The following CDH13 variants were observed in gnomAD, a reference collection of about 807,000 sequenced individuals.
The protein encoded by CDH13 is cadherin-13.
A neutral mutation model predicts 63.8 loss-of-function variants in CDH13; 24 were observed. That is an observed-to-expected ratio of 0.38 (90% CI 0.27 to 0.53). The LOEUF is 0.53. CDH13 is among the 20% of genes least tolerant of loss of function. CDH13 has a pLI of 0.85. For missense variants in CDH13, 1,049 were observed against 903.1 expected, an observed-to-expected ratio of 1.16 and a Z score of -2.07; for synonymous variants, 503 against 355.3, an observed-to-expected ratio of 1.42 and a Z score of -4.67.
At chr16:83,206,643 C>T (rs918020707) in intron 4 of CDH13, among the ~76,000 whole-genome samples, 7 of 152,228 alleles carry the variant, frequency 4.6e-5, no homozygotes, top group Non-Finnish European at 8.8e-5. Context: ...TACAATCAGA[C>T]GTGGCCACTG....
intron 7 of CDH13, among the ~76,000 whole-genome samples, chr16:83,593,279 C>A (rs9930794): frequency 1.3e-5 from 2 of 152,018 alleles, no homozygotes; most frequent in African/African-American, 2.4e-5. Flanking sequence ...ATTAACGATA[C>A]CTTAAATGTT....
chr16:83,689,615 T>A (rs904757209), intron 10 of CDH13, among the ~76,000 whole-genome samples: 14 of 152,208 alleles, frequency 9.2e-5, no homozygotes, highest in African/African-American at 3.4e-4. Flanking sequence ...GTGATGAGGC[T>A]CTAAACTACA....
intron 6 of CDH13, among the ~76,000 whole-genome samples, chr16:83,349,811 G>T (rs1341777068): frequency 6.6e-6 from 1 of 152,088 alleles, no homozygotes; most frequent in Non-Finnish European, 1.5e-5. Context: ...ACATTGGCCA[G>T]GCTGGTCTTG....
At chr16:83,669,333 AG>A (rs1163397598) in intron 8 of CDH13, among the ~76,000 whole-genome samples, 1 of 152,210 alleles carries the variant, frequency 6.6e-6, no homozygotes, top group Non-Finnish European at 1.5e-5. Flanking sequence ...AGTTTTTCAA[AG>A]CCTCTGGGAG....
At chr16:83,604,847 A>G (rs1839256569) in intron 8 of CDH13, among the ~76,000 whole-genome samples, 1 of 152,314 alleles carries the variant, frequency 6.6e-6, no homozygotes, top group Non-Finnish European at 1.5e-5. Context: ...CTTCAATGCC[A>G]CTGTGAATTT....
chr16:83,241,983 T>G (rs1000323325), intron 5 of CDH13, among the ~76,000 whole-genome samples: 2 of 152,152 alleles, frequency 1.3e-5, no homozygotes, highest in African/African-American at 4.8e-5. Context: ...CACATTTAGG[T>G]CTTTAATCCA....
At chr16:83,208,890 A>G (rs2039256528) in intron 4 of CDH13, among the ~76,000 whole-genome samples, 1 of 152,166 alleles carries the variant, frequency 6.6e-6, no homozygotes, top group South Asian at 2.1e-4. Flanking sequence ...CTTGCCTCAC[A>G]AGCAGTGTTC....
intron 7 of CDH13, among the ~76,000 whole-genome samples, chr16:83,503,437 G>A (rs1329503507): frequency 6.6e-6 from 1 of 152,176 alleles, no homozygotes; most frequent in Non-Finnish European, 1.5e-5. Context: ...GGATGCCTCT[G>A]CCCAGGAGGA....
At chr16:82,697,761 G>C (rs1385795016) in intron 1 of CDH13, among the ~76,000 whole-genome samples, 4 of 143,550 alleles carry the variant, frequency 2.8e-5, no homozygotes, top group African/African-American at 1.1e-4. Flanking sequence ...GTGTGTGTGT[G>C]TGTGTGTGTG....
intron 8 of CDH13, among the ~76,000 whole-genome samples, chr16:83,657,360 C>G (rs934072261): frequency 6.6e-6 from 1 of 152,178 alleles, no homozygotes; most frequent in Non-Finnish European, 1.5e-5. Flanking sequence ...GTCAAGAAGA[C>G]AGGCTGCTGC....
At position 83,318,145 on chromosome 16, in the gene CDH13, T is replaced by C. The variant is rs369666292; in HGVS notation, c.637-26717T>C. Among the ~76,000 whole-genome samples the C allele has an allele frequency of 1.5e-3, 223 of 152,310 alleles. 6 individuals carry two copies. In the South Asian group the frequency reaches 0.044, roughly 30 times the overall value. ...TATTTGTAACACAGTGTCTAAAACA[T>C]ACTGAGCATTTAATAAGCTTAAGCT... On this transcript the variant is annotated intron_variant, in intron 5 of 13. Coordinates refer to ENST00000567109, the MANE Select transcript of CDH13 (RefSeq NM_001257.5).
chr16:83,034,689 G>T (rs1297803181), intron 3 of CDH13, among the ~76,000 whole-genome samples: 1 of 152,146 alleles, frequency 6.6e-6, no homozygotes, highest in Non-Finnish European at 1.5e-5. Flanking sequence ...TTTCTATCTG[G>T]AAAAGATACT....
intron 7 of CDH13, among the ~76,000 whole-genome samples, chr16:83,518,078 A>G (rs537235843): frequency 1.3e-5 from 2 of 152,270 alleles, no homozygotes; most frequent in African/African-American, 4.8e-5. Context: ...AGGTAATTTT[A>G]TCATGGGGGT....
rs547289207 is a variant in CDH13 at position 83,271,762 on chromosome 16, G to C, written c.636+54265G>C. On this transcript the variant is annotated intron_variant, in intron 5 of 13. Coordinates refer to ENST00000567109, the MANE Select transcript of CDH13 (RefSeq NM_001257.5). ...TAGAATTATTTATTTAGGATAATTA[G>C]AGAAAAATTCTGTAATTTCAAGTAA... Among the ~76,000 whole-genome samples, 8 of 152,172 alleles carry C rather than the reference G, an allele frequency of 5.3e-5. No homozygotes were observed. In the East Asian group the frequency reaches 1.5e-3, roughly 29 times the overall value.
At position 82,961,981 on chromosome 16, in the gene CDH13, T is replaced by C. The variant is rs183031499; in HGVS notation, c.158-70029T>C. Among the ~76,000 whole-genome samples the C allele has an allele frequency of 5.2e-3, 786 of 152,232 alleles. 31 individuals are homozygous for C. The highest frequency in any genetic ancestry group is 0.048 in the Admixed American group (741 of 15,286). ...AGAAACCCTAGGCTTATGGATGCCA[T>C]GGGAAACACCAGTTACCTGGATGTA... On this transcript the variant is annotated intron_variant, in intron 2 of 13. Transcript: ENST00000567109.
At chr16:83,484,174 C>A (rs2073835248) in intron 6 of CDH13, among the ~76,000 whole-genome samples, 1 of 152,088 alleles carries the variant, frequency 6.6e-6, no homozygotes, top group Non-Finnish European at 1.5e-5. Context: ...TACTCTGATT[C>A]CAGTGGTGGG....
chr16:83,742,711 A>G (rs373498981), intron 10 of CDH13, among the ~76,000 whole-genome samples: 4 of 152,266 alleles, frequency 2.6e-5, no homozygotes, highest in African/African-American at 7.2e-5. Context: ...TTCTCCCTCC[A>G]CATCGGGAAC....
At chr16:83,572,175 G>GTTTTGTGTGTGTGT (rs145519267) in intron 7 of CDH13, among the ~76,000 whole-genome samples, 257 of 145,690 alleles carry the variant, frequency 1.8e-3, no homozygotes, top group African/African-American at 6.4e-3. Flanking sequence ...ACTTTCCTGT[G>GTTTTGTGTGTGTGT]GTGTGTGTGT....
chr16:83,406,078 C>A (rs1253540633), intron 6 of CDH13, among the ~76,000 whole-genome samples: 1 of 152,082 alleles, frequency 6.6e-6, no homozygotes, highest in Non-Finnish European at 1.5e-5. Flanking sequence ...ACATAGTAGC[C>A]CCAAATCAAG....
Sources: gnomAD v4.1 joint callset for allele counts (sites outside exome capture counted in the v4.1 genomes callset) on GRCh38, gnomAD v4.1.1 for gene constraint, MANE v1.5 for transcripts, NCBI Gene and HGNC (gene_info 2026-07-23, HGNC 2026-07-21) for gene names.